Variants in VWA3B observed in about 807,000 individuals in gnomAD.
VWA3B encodes von Willebrand factor A domain containing 3B, also known as von Willebrand factor A domain-containing protein 3B.
A neutral mutation model predicts 158.3 loss-of-function variants in VWA3B; 138 were observed. That is an observed-to-expected ratio of 0.87 (90% CI 0.76 to 1.00). The LOEUF is 1.00. Among genes scored for constraint, VWA3B ranks in the 50% least tolerant of loss-of-function variants. The pLI is 0.00. For synonymous variants in VWA3B, 596 were observed against 587.3 expected (o/e 1.01, Z -0.21); for missense variants, 1,555 against 1,565.1 (o/e 0.99, Z 0.11).
intron 15 of VWA3B, among the ~76,000 whole-genome samples, chr2:98,229,424 T>C (rs975753565): frequency 2.6e-5 from 4 of 152,190 alleles, no homozygotes; most frequent in Non-Finnish European, 5.9e-5. Context: ...CGTCACAGTG[T>C]TGGAGCAGAA....
At chr2:98,203,678 A>C (rs952267394) in intron 12 of VWA3B, among the ~76,000 whole-genome samples, 3 of 152,184 alleles carry the variant, frequency 2.0e-5, no homozygotes, top group Non-Finnish European at 4.4e-5. Context: ...AATTTTTTGG[A>C]GCAATTGTAA....
At chr2:98,136,402 T>C (rs1676286589) in intron 7 of VWA3B, among the ~76,000 whole-genome samples, 1 of 152,114 alleles carries the variant, frequency 6.6e-6, no homozygotes, top group Non-Finnish European at 1.5e-5. Flanking sequence ...CATGCTGCTA[T>C]AGCAAAATAC....
chr2:98,240,131 G>A (rs1685980338), intron 19 of VWA3B, among the ~76,000 whole-genome samples: 1 of 152,020 alleles, frequency 6.6e-6, no homozygotes, highest in Non-Finnish European at 1.5e-5. Flanking sequence ...TGAATAGTTT[G>A]GTGAATTTCC....
intron 8 of VWA3B, chr2:98,179,208 T>C (rs968055057): frequency 2.1e-6 from 1 of 471,048 alleles, no homozygotes; most frequent in Non-Finnish European, 4.4e-6. Context: ...TCACCCCTCC[T>C]TTGTGTCCAC....
intron 21 of VWA3B, among the ~76,000 whole-genome samples, chr2:98,258,485 C>CATAG (rs538844040): frequency 5.9e-5 from 9 of 151,960 alleles, no homozygotes; most frequent in Middle Eastern, 3.4e-3. Context: ...AATCAATGAA[C>CATAG]ATAGAATGTC....
chr2:98,126,497 G>A (rs1024370982), intron 5 of VWA3B, among the ~76,000 whole-genome samples: 14 of 152,156 alleles, frequency 9.2e-5, no homozygotes, highest in African/African-American at 3.4e-4. Flanking sequence ...TGGAAAACTC[G>A]GATAAATAAT....
intron 4 of VWA3B, 54 bp from the exon 5 acceptor site, chr2:98,121,245 C>A (rs2104967982): frequency 6.4e-7 from 1 of 1,563,660 alleles, no homozygotes. Flanking sequence ...GGAGGTTTGG[C>A]ATCCCAGTAG....
chr2:98,146,621 A>T (rs1339570702), intron 7 of VWA3B, among the ~76,000 whole-genome samples: 3 of 152,202 alleles, frequency 2.0e-5, no homozygotes. Flanking sequence ...CAGAGCTGCC[A>T]CAGCCCTTTT....
intron 12 of VWA3B, among the ~76,000 whole-genome samples, chr2:98,201,119 C>T (rs769260628): frequency 9.9e-5 from 15 of 152,100 alleles, no homozygotes; most frequent in Admixed American, 1.3e-4. Flanking sequence ...GTTCCTTTGA[C>T]CTGCCTTGTA....
Position 98,200,953 on chromosome 2 carries a change from G to A in VWA3B, c.1737+6461G>A, listed in dbSNP as rs1204860100. Among the ~76,000 whole-genome samples the A allele has an allele frequency of 2.6e-5, 4 of 152,080 alleles. No individual in the cohort carries two copies. In the South Asian group the frequency reaches 6.2e-4, roughly 24 times the overall value. On this transcript the variant is annotated intron_variant, in intron 12 of 27. Coordinates refer to ENST00000477737, the MANE Select transcript of VWA3B (RefSeq NM_144992.5). ...AAAATCATTTGACTATATCCGTGTG[G>A]GTCTATTTTTGTTTCATTGAACTAT...
chr2:98,308,557 C>A (rs911692494), intron 26 of VWA3B, among the ~76,000 whole-genome samples: 1 of 152,082 alleles, frequency 6.6e-6, no homozygotes, highest in African/African-American at 2.4e-5. Context: ...CTTGCCAGGG[C>A]AGGGGACTCA....
At chr2:98,164,270 A>C (rs751932250) in intron 8 of VWA3B, among the ~76,000 whole-genome samples, 26 of 152,220 alleles carry the variant, frequency 1.7e-4, no homozygotes, top group Non-Finnish European at 3.5e-4. Flanking sequence ...TTGAGTTATT[A>C]ATATTAAAAA....
chr2:98,163,734 G>A (rs1230871793), intron 8 of VWA3B, among the ~76,000 whole-genome samples: 3 of 152,250 alleles, frequency 2.0e-5, no homozygotes, highest in Admixed American at 1.3e-4. Flanking sequence ...GGGCAGGGGG[G>A]CTTCTCGCTA....
intron 12 of VWA3B, among the ~76,000 whole-genome samples, chr2:98,210,759 G>A (rs1376904569): frequency 1.3e-5 from 2 of 152,170 alleles, no homozygotes; most frequent in African/African-American, 4.8e-5. Context: ...CTTGGGATGG[G>A]GGCAGAGTCT....
In VWA3B at chr2:98,193,835, G is replaced by A. The variant is rs188145288; in HGVS notation, c.1606-526G>A. Among the ~76,000 whole-genome samples, 894 of 151,964 alleles carry A rather than the reference G, an allele frequency of 5.9e-3. 3 individuals are homozygous for A. Among genetic ancestry groups the A allele is most frequent in the Non-Finnish European group, 9.1e-3 (621 of 67,970 alleles). On this transcript the variant is annotated intron_variant, in intron 11 of 27. Transcript: ENST00000477737. Reference sequence around the variant, plus strand: ...GATCTCCTGACCTCGTGATCCGCCCGCCTCGGCCTCCCAAAGTGCTGGGAC... The same window carrying A: ...GATCTCCTGACCTCGTGATCCGCCCACCTCGGCCTCCCAAAGTGCTGGGAC...
chr2:98,172,584 C>G (rs1392769849), intron 8 of VWA3B, among the ~76,000 whole-genome samples: 1 of 152,148 alleles, frequency 6.6e-6, no homozygotes, highest in Non-Finnish European at 1.5e-5. Context: ...GGGTCCACAC[C>G]CTTCCTGTAC....
At chr2:98,148,926 A>T (rs961667204) in intron 7 of VWA3B, among the ~76,000 whole-genome samples, 3 of 152,224 alleles carry the variant, frequency 2.0e-5, no homozygotes, top group African/African-American at 7.2e-5. Context: ...GCTTCACGTT[A>T]TCCAAATAAA....
chr2:98,251,168 C>A lies in VWA3B; in HGVS notation c.2792+732C>A, dbSNP rs145694097. ...TTGTAGGGGCTTCCTACATGCTAGG[C>A]ACTGCATCAAGTACTTTACCTGAAT... On this transcript the variant is annotated intron_variant, in intron 20 of 27. Coordinates refer to ENST00000477737, the MANE Select transcript of VWA3B (RefSeq NM_144992.5). Among the ~76,000 whole-genome samples the A allele has an allele frequency of 2.2e-3, 335 of 152,214 alleles. 4 individuals carry two copies. Among genetic ancestry groups the A allele is most frequent in the African/African-American group, 7.8e-3 (324 of 41,504 alleles).
At chr2:98,212,361 A>AT (rs976548148) in intron 13 of VWA3B, among the ~76,000 whole-genome samples, 1 of 151,964 alleles carries the variant, frequency 6.6e-6, no homozygotes, top group African/African-American at 2.4e-5. Flanking sequence ...ATTCTTTTTG[A>AT]TTTTTTTTCC....
Sources: gnomAD v4.1 joint callset for allele counts (sites outside exome capture counted in the v4.1 genomes callset) on GRCh38, gnomAD v4.1.1 for gene constraint, MANE v1.5 for transcripts, NCBI Gene and HGNC (gene_info 2026-07-23, HGNC 2026-07-21) for gene names.